PPP2R2B: variants seen among roughly 807,000 people sequenced by gnomAD.
PPP2R2B encodes the protein serine/threonine-protein phosphatase 2A 55 kDa regulatory subunit B beta isoform.
PPP2R2B carries 5 observed loss-of-function variants against 46.0 expected under a neutral mutation model. The observed-to-expected ratio is 0.11, with a 90% CI of 0.06 to 0.23. The LOEUF (loss-of-function observed/expected upper bound fraction) is 0.23. PPP2R2B is among the 10% of genes least tolerant of loss of function. The pLI, the probability that PPP2R2B is intolerant of heterozygous loss-of-function variation, is 1.00. For synonymous variants in PPP2R2B, 215 were observed against 206.7 expected, an observed-to-expected ratio of 1.04 and a Z score of -0.34; for missense variants, 367 against 575.0, an observed-to-expected ratio of 0.64 and a Z score of 3.70.
chr5:146,746,828 T>C (rs973439262), intron 2 of PPP2R2B, among the ~76,000 whole-genome samples: 11 of 152,350 alleles, frequency 7.2e-5, no homozygotes, highest in Non-Finnish European at 1.6e-4. Context: ...TATTAAATGC[T>C]GTGAGATAAA....
rs1411226910 is a variant in PPP2R2B, at chr5:146,582,601, A to G, written c.*7346T>C. ...ATCTCCATATATCATTCAAACTCCC[A>G]ATGGCATGCCGCTCATCTTATAAGC... On this transcript the variant is annotated 3_prime_UTR_variant, in exon 10 of 10. Transcript: ENST00000394411. The G allele has an allele frequency of 6.6e-6, 1 of 152,136 alleles. No homozygotes were observed. Among genetic ancestry groups the G allele is most frequent in the Non-Finnish European group, 1.5e-5 (1 of 68,014 alleles). 9.4% of individuals were successfully genotyped at this position (152,136 alleles called of 1,614,324 possible). A position where few individuals can be genotyped will look rare whatever the true frequency, so the allele number is the denominator to read the frequency against.
chr5:147,030,162 A>T (rs1243258184), intron 1 of PPP2R2B, among the ~76,000 whole-genome samples: 10 of 152,148 alleles, frequency 6.6e-5, no homozygotes, highest in Non-Finnish European at 1.5e-5. Flanking sequence ...TGTCTTCCTT[A>T]CTTTCTGCTA....
intron 8 of PPP2R2B, among the ~76,000 whole-genome samples, chr5:146,594,554 C>T (rs1212252290): frequency 6.6e-6 from 1 of 152,208 alleles, no homozygotes; most frequent in Non-Finnish European, 1.5e-5. Flanking sequence ...CTTTATCTGT[C>T]AAAACCTCAT....
At chr5:146,767,811 G>A (rs147628854) in intron 2 of PPP2R2B, among the ~76,000 whole-genome samples, 45 of 152,270 alleles carry the variant, frequency 3.0e-4, no homozygotes, top group African/African-American at 1.0e-3. Context: ...TTGGACAAAT[G>A]TAGCATGACA....
At chr5:147,043,164 A>G (rs372471793) in intron 1 of PPP2R2B, among the ~76,000 whole-genome samples, 1 of 152,214 alleles carries the variant, frequency 6.6e-6, no homozygotes, top group African/African-American at 2.4e-5. Flanking sequence ...ACTCCTGAAG[A>G]CAACCTAAAA....
At chr5:147,055,446 A>C (rs1283164408) in intron 1 of PPP2R2B, among the ~76,000 whole-genome samples, 4 of 152,222 alleles carry the variant, frequency 2.6e-5, no homozygotes, top group Non-Finnish European at 5.9e-5. Flanking sequence ...CTTTGAGATT[A>C]CCTCTGCAAC....
At chr5:146,724,844 AATC>A (rs1751754579) in intron 2 of PPP2R2B, among the ~76,000 whole-genome samples, 1 of 152,146 alleles carries the variant, frequency 6.6e-6, no homozygotes, top group African/African-American at 2.4e-5. Context: ...ATAATTCTTT[AATC>A]ATCATAATTC....
At chr5:146,684,107 T>C (rs1417964299) in intron 5 of PPP2R2B, among the ~76,000 whole-genome samples, 2 of 152,164 alleles carry the variant, frequency 1.3e-5, no homozygotes, top group Non-Finnish European at 2.9e-5. Flanking sequence ...GATTTTTCAC[T>C]GCAGTAGCTA....
intron 2 of PPP2R2B, among the ~76,000 whole-genome samples, chr5:146,854,501 A>G (rs1385045465): frequency 6.6e-6 from 1 of 152,154 alleles, no homozygotes; most frequent in Non-Finnish European, 1.5e-5. Flanking sequence ...GTACTCTGCT[A>G]TCAAACATTA....
At position 146,812,787 on chromosome 5, in the gene PPP2R2B, ATGTG is replaced by A. The variant is rs1214546736; in HGVS notation, c.70+65211_70+65214del. Among the ~76,000 whole-genome samples the A allele has an allele frequency of 9.5e-3, 218 of 22,988 alleles. 25 individuals are homozygous for A. Among genetic ancestry groups the A allele is most frequent in the African/African-American group, 0.039 (132 of 3,420 alleles). 15.1% of individuals were successfully genotyped at this position (22,988 alleles called of 152,430 possible). ...TTACTTAATGTGTGTGTGTGTGTAT[ATGTG>A]TGTATATATATATATATATATATAT... On this transcript the variant is annotated intron_variant, in intron 2 of 9. Coordinates refer to ENST00000394411, the MANE Select transcript of PPP2R2B (RefSeq NM_181675.4).
intron 4 of PPP2R2B, among the ~76,000 whole-genome samples, chr5:146,697,328 A>G (rs1235387832): frequency 6.6e-6 from 1 of 152,206 alleles, no homozygotes; most frequent in Non-Finnish European, 1.5e-5. Flanking sequence ...AGGTAATTCC[A>G]CTGTATAAAG....
intron 1 of PPP2R2B, among the ~76,000 whole-genome samples, chr5:146,960,674 C>T (rs1434686902): frequency 6.6e-6 from 1 of 152,140 alleles, no homozygotes; most frequent in Non-Finnish European, 1.5e-5. Flanking sequence ...AGTCAAAAAC[C>T]TAACCAAATT....
chr5:146,617,563 T>C (rs1457976913), intron 7 of PPP2R2B, among the ~76,000 whole-genome samples: 1 of 152,166 alleles, frequency 6.6e-6, no homozygotes, highest in East Asian at 1.9e-4. Flanking sequence ...GTACCCAGTG[T>C]GTGTAAAGCA....
intron 1 of PPP2R2B, among the ~76,000 whole-genome samples, chr5:146,991,651 A>G (rs1753703770): frequency 6.6e-6 from 1 of 152,016 alleles, no homozygotes; most frequent in African/African-American, 2.4e-5. Flanking sequence ...CTCAATTATT[A>G]TACCATATAC....
At chr5:146,593,116 T>C in intron 8 of PPP2R2B, 54 bp from the exon 9 acceptor site, 1 of 1,363,196 alleles carries the variant, frequency 7.3e-7, no homozygotes, top group Non-Finnish European at 1.1e-6. Context: ...AGTAATTATT[T>C]CTGCAAACAC....
chr5:146,727,394 T>C (rs556321627), intron 2 of PPP2R2B, among the ~76,000 whole-genome samples: 31 of 152,276 alleles, frequency 2.0e-4, no homozygotes, highest in South Asian at 4.1e-4. Context: ...AATATACATT[T>C]ACATTGTGGA....
chr5:146,957,576 T>A (rs1751969893), intron 1 of PPP2R2B, among the ~76,000 whole-genome samples: 1 of 152,126 alleles, frequency 6.6e-6, no homozygotes, highest in Admixed American at 6.6e-5. Context: ...AATAAATACA[T>A]CTTTATTTGC....
chr5:146,622,620 G>C (rs966184911), intron 7 of PPP2R2B, among the ~76,000 whole-genome samples: 4 of 152,194 alleles, frequency 2.6e-5, no homozygotes, highest in Non-Finnish European at 5.9e-5. Flanking sequence ...AGTAGGATTT[G>C]AAATTCTCTA....
intron 1 of PPP2R2B, among the ~76,000 whole-genome samples, chr5:146,967,168 A>G (rs1752456264): frequency 1.3e-5 from 2 of 152,184 alleles, no homozygotes. Context: ...TCTATTAGAT[A>G]CATGGATAAA....
Sources: gnomAD v4.1 joint callset for allele counts (sites outside exome capture counted in the v4.1 genomes callset) on GRCh38, gnomAD v4.1.1 for gene constraint, MANE v1.5 for transcripts, NCBI Gene and HGNC (gene_info 2026-07-23, HGNC 2026-07-21) for gene names.